ZNF804B: variants seen among roughly 807,000 people sequenced by gnomAD.
ZNF804B encodes zinc finger 804B.
A neutral mutation model predicts 101.4 loss-of-function variants in ZNF804B; 80 were observed. The observed-to-expected ratio is 0.79, with a 90% confidence interval of 0.66 to 0.95. ZNF804B has a LOEUF of 0.95. Ranked by LOEUF, ZNF804B falls within the 40% of genes least tolerant of loss-of-function variation. The pLI is 0.00. For synonymous variants in ZNF804B, 622 were observed against 558.8 expected (o/e 1.11, Z -1.59); for missense variants, 1,673 against 1,561.9 (o/e 1.07, Z -1.20).
At chr7:88,906,209 G>T (rs1412830587) in intron 1 of ZNF804B, among the ~76,000 whole-genome samples, 1 of 151,836 alleles carries the variant, frequency 6.6e-6, no homozygotes, top group African/African-American at 2.4e-5. Context: ...TTCTTTTGAA[G>T]AACTGTTGAT....
intron 1 of ZNF804B, among the ~76,000 whole-genome samples, chr7:88,793,428 G>A (rs564761553): frequency 3.3e-5 from 5 of 152,192 alleles, no homozygotes; most frequent in Non-Finnish European, 7.4e-5. Context: ...TTGTAACATA[G>A]AGGGATGTTC....
chr7:89,226,988 G>A (rs1189123663), intron 2 of ZNF804B, among the ~76,000 whole-genome samples: 6 of 152,076 alleles, frequency 3.9e-5, no homozygotes, highest in African/African-American at 7.2e-5. Flanking sequence ...AAAGGCCTCC[G>A]TCTTTCTGCT....
At chr7:89,052,406 A>G (rs1466747693) in intron 1 of ZNF804B, among the ~76,000 whole-genome samples, 2 of 152,186 alleles carry the variant, frequency 1.3e-5, no homozygotes, top group Non-Finnish European at 2.9e-5. Flanking sequence ...ATGCTCAGTG[A>G]TTGCTGGTGC....
chr7:89,294,142 G>C (rs1396347118), intron 2 of ZNF804B, among the ~76,000 whole-genome samples: 1 of 152,142 alleles, frequency 6.6e-6, no homozygotes, highest in South Asian at 2.1e-4. Flanking sequence ...ATGCATTCAA[G>C]AAAAGTAGTT....
intron 1 of ZNF804B, among the ~76,000 whole-genome samples, chr7:89,162,139 A>G (rs899913387): frequency 1.3e-5 from 2 of 152,086 alleles, no homozygotes; most frequent in African/African-American, 2.4e-5. Flanking sequence ...GGCGGGGGGA[A>G]GTCTTATTGA....
Position 89,335,897 on chromosome 7 carries a change from G to T in ZNF804B, c.2915G>T (p.Cys972Phe), listed in dbSNP as rs777357097. 1 of 1,614,114 alleles carries T rather than the reference G, an allele frequency of 6.2e-7. No homozygotes were observed. The highest frequency in any genetic ancestry group is 1.7e-5 in the Admixed American group (1 of 59,994). ...ACAATTCAACTTGCACCATCAGGCT[G>T]TAACAGACAAGCATTGCCTTTGTCT... ...PCTIQLAPSGCNRQALPLSEK... is the reference protein window; with the variant it reads ...PCTIQLAPSGFNRQALPLSEK... The change falls in exon 4 of 4, where the codon TGT becomes TTT. Residue 972 changes from cysteine to phenylalanine, a missense_variant. Cys to Phe is a radical substitution (Grantham distance 205, BLOSUM62 -2). Coordinates refer to ENST00000333190, the MANE Select transcript of ZNF804B (RefSeq NM_181646.5).
chr7:89,091,827 C>CT (rs1332253971), intron 1 of ZNF804B, among the ~76,000 whole-genome samples: 1 of 152,130 alleles, frequency 6.6e-6, no homozygotes. Flanking sequence ...TTCTTCTCTC[C>CT]TTGTCTCCAT....
chr7:89,237,688 G>T (rs760246835), intron 2 of ZNF804B, among the ~76,000 whole-genome samples: 2 of 152,120 alleles, frequency 1.3e-5, no homozygotes, highest in Non-Finnish European at 2.9e-5. Context: ...TCACAGCTGG[G>T]TGTGCTCCAG....
intron 2 of ZNF804B, among the ~76,000 whole-genome samples, chr7:89,265,302 GCGCGCGCACACATGCACGTGCA>G (rs1584091762): frequency 2.4e-5 from 2 of 84,252 alleles, no homozygotes; most frequent in East Asian, 8.4e-4. Flanking sequence ...GTGCGCGTGC[GCGCGCGCACACATGCACGTGCA>G]CAGGCACACA....
intron 1 of ZNF804B, among the ~76,000 whole-genome samples, chr7:89,183,615 A>T (rs1296241523): frequency 6.6e-6 from 1 of 152,184 alleles, no homozygotes. Context: ...TACATCCACA[A>T]GTTCAGGTAG....
intron 1 of ZNF804B, among the ~76,000 whole-genome samples, chr7:89,097,513 C>A (rs903785233): frequency 6.6e-6 from 1 of 151,930 alleles, no homozygotes; most frequent in African/African-American, 2.4e-5. Flanking sequence ...AATTTAAGAG[C>A]GAAGAACCAA....
intron 2 of ZNF804B, among the ~76,000 whole-genome samples, chr7:89,295,096 T>C (rs1431887812): frequency 6.6e-6 from 1 of 152,192 alleles, no homozygotes; most frequent in Non-Finnish European, 1.5e-5. Context: ...TCAATATACC[T>C]TTCCTGCCTC....
intron 1 of ZNF804B, among the ~76,000 whole-genome samples, chr7:88,864,029 C>G (rs1238228304): frequency 2.0e-5 from 3 of 152,220 alleles, no homozygotes; most frequent in Non-Finnish European, 2.9e-5. Flanking sequence ...CTCTCCTGCT[C>G]TCTGCCCATC....
At chr7:88,855,579 C>A (rs903636539) in intron 1 of ZNF804B, among the ~76,000 whole-genome samples, 42 of 152,092 alleles carry the variant, frequency 2.8e-4, no homozygotes, top group Non-Finnish European at 4.3e-4. Flanking sequence ...ATGGTAGTTT[C>A]TTTTGCTGTG....
chr7:89,026,472 C>A (rs998643374), intron 1 of ZNF804B, among the ~76,000 whole-genome samples: 2 of 151,968 alleles, frequency 1.3e-5, no homozygotes, highest in African/African-American at 4.8e-5. Context: ...TATTTGATTT[C>A]TTTGTAGAGA....
rs186982638 is a variant in ZNF804B, at chr7:89,283,763, A to C, written c.250-43581A>C. Among the ~76,000 whole-genome samples the C allele has an allele frequency of 1.9e-3, 283 of 152,196 alleles. 3 individuals carry two copies. The highest frequency in any genetic ancestry group is 0.01 in the Middle Eastern group (3 of 294). ...ATTATGAATTTATACAAATTATCCT[A>C]TATATACATACATATACAGTTGACC... On this transcript the variant is annotated intron_variant, in intron 2 of 3. Coordinates refer to ENST00000333190, the MANE Select transcript of ZNF804B (RefSeq NM_181646.5).
At chr7:89,212,947 T>G (rs1448223540) in intron 1 of ZNF804B, among the ~76,000 whole-genome samples, 1 of 152,154 alleles carries the variant, frequency 6.6e-6, no homozygotes, top group Admixed American at 6.5e-5. Flanking sequence ...CCATGTGGTA[T>G]ACTTAGTACT....
intron 1 of ZNF804B, among the ~76,000 whole-genome samples, chr7:89,143,993 A>G (rs550779161): frequency 6.6e-6 from 1 of 152,112 alleles, no homozygotes; most frequent in African/African-American, 2.4e-5. Flanking sequence ...GCTACATCTT[A>G]TTACACCCGT....
chr7:88,932,763 A>T (rs1452066319), intron 1 of ZNF804B, among the ~76,000 whole-genome samples: 1 of 151,748 alleles, frequency 6.6e-6, no homozygotes, highest in Non-Finnish European at 1.5e-5. Flanking sequence ...ATAATAAAAA[A>T]TGCCCACAAA....
Sources: gnomAD v4.1 joint callset for allele counts (sites outside exome capture counted in the v4.1 genomes callset) on GRCh38, gnomAD v4.1.1 for gene constraint, MANE v1.5 for transcripts, NCBI Gene and HGNC (gene_info 2026-07-23, HGNC 2026-07-21) for gene names.